LAMA3: variants seen among roughly 807,000 people sequenced by gnomAD.
LAMA3 encodes laminin subunit alpha 3, also known as laminin subunit alpha-3.
A neutral mutation model predicts 402.0 loss-of-function variants in LAMA3; 281 were observed. The observed-to-expected ratio is 0.70, with a 90% CI of 0.63 to 0.77. LAMA3 has a LOEUF of 0.77. LAMA3 is among the 30% of genes least tolerant of loss of function. The pLI, the probability that LAMA3 is intolerant of heterozygous loss-of-function variation, is 0.00. For missense variants in LAMA3, 3,840 were observed against 4,215.5 expected, an observed-to-expected ratio of 0.91 and a Z score of 2.47; for synonymous variants, 1,431 against 1,558.4, an observed-to-expected ratio of 0.92 and a Z score of 1.93.
Position 23,857,850 on chromosome 18 carries a change from G to A in LAMA3, c.4143G>A (p.Lys1381=). Residue 1381 remains lysine (K), a synonymous_variant, in exon 33 of 75, where the codon AAG becomes AAA. Coordinates refer to ENST00000313654, the MANE Select transcript of LAMA3 (RefSeq NM_198129.4). ...TCCTTTACTTTGTGTACAGATGCAA[G>A]CCCAGAATCACAGGGCGGCAGTGTG... ...CDRDSGQCRC[K]PRITGRQCDR... 1 of 1,614,246 alleles carries A rather than the reference G, an allele frequency of 6.2e-7. No homozygotes were observed. The highest frequency in any genetic ancestry group is 8.5e-7 in the Non-Finnish European group (1 of 1,180,044).
At chr18:23,950,986 A>C (rs1335743003) in intron 72 of LAMA3, among the ~76,000 whole-genome samples, 1 of 152,238 alleles carries the variant, frequency 6.6e-6, no homozygotes, top group African/African-American at 2.4e-5. Flanking sequence ...TCATAATAGC[A>C]GTGACATTGT....
chr18:23,925,694 TC>T (rs2081983633), intron 62 of LAMA3, among the ~76,000 whole-genome samples: 1 of 152,158 alleles, frequency 6.6e-6, no homozygotes, highest in African/African-American at 2.4e-5. Context: ...ATCACATTCC[TC>T]TAGCAAGTAT....
At chr18:23,761,654 GTAA>G (rs1003306914) in intron 7 of LAMA3, among the ~76,000 whole-genome samples, 81 of 152,306 alleles carry the variant, frequency 5.3e-4, no homozygotes, top group African/African-American at 1.8e-3. Context: ...AATAGTGGTA[GTAA>G]TAATATTCTC....
chr18:23,877,834 G>A (rs1042920370), intron 39 of LAMA3, among the ~76,000 whole-genome samples: 5 of 152,144 alleles, frequency 3.3e-5, no homozygotes, highest in Admixed American at 6.5e-5. Context: ...TACGTTGGCC[G>A]GGCACGGTGG....
chr18:23,771,815 T>G (rs2062205102), intron 8 of LAMA3, among the ~76,000 whole-genome samples: 1 of 152,132 alleles, frequency 6.6e-6, no homozygotes, highest in Non-Finnish European at 1.5e-5. Context: ...AAGTTGGGAA[T>G]TTTTCAAGAT....
At chr18:23,699,788 C>A (rs2060758056) in intron 1 of LAMA3, among the ~76,000 whole-genome samples, 1 of 152,158 alleles carries the variant, frequency 6.6e-6, no homozygotes, top group African/African-American at 2.4e-5. Flanking sequence ...TGAGTGACAG[C>A]TAGGAAAATA....
chr18:23,852,545 C>T (rs905722021), intron 32 of LAMA3, among the ~76,000 whole-genome samples: 1 of 152,172 alleles, frequency 6.6e-6, no homozygotes, highest in East Asian at 1.9e-4. Flanking sequence ...CTAATACCTA[C>T]TCCAGTTTGG....
chr18:23,876,289 A>C lies in LAMA3; in HGVS notation c.4999-5A>C, dbSNP rs1241808608. The C allele has an allele frequency of 1.9e-6, 3 of 1,599,348 alleles. No individual in the cohort carries two copies. The highest frequency in any genetic ancestry group is 2.6e-6 in the Non-Finnish European group (3 of 1,166,544). ...TATTGATTAAACACTTTGTTTGAAA[A>C]ATAGGGTTGTAGCCCTGGATACTAT... On this transcript the variant is annotated splice_polypyrimidine_tract_variant and splice_region_variant and intron_variant, in intron 38 of 74. Coordinates refer to ENST00000313654, the MANE Select transcript of LAMA3 (RefSeq NM_198129.4).
At chr18:23,810,324 C>T (rs975218807) in intron 12 of LAMA3, 42 bp from the exon 13 acceptor site, 11 of 1,613,298 alleles carry the variant, frequency 6.8e-6, no homozygotes, top group African/African-American at 6.7e-5. Context: ...CCCTCCCATA[C>T]CTGCAACCCC....
intron 1 of LAMA3, among the ~76,000 whole-genome samples, chr18:23,691,545 G>A (rs1050623137): frequency 3.9e-5 from 6 of 152,088 alleles, no homozygotes; most frequent in Non-Finnish European, 1.5e-5. Context: ...GAGAAATTTA[G>A]TTTAGCTCTT....
intron 62 of LAMA3, among the ~76,000 whole-genome samples, chr18:23,926,408 T>C (rs768213895): frequency 1.3e-5 from 2 of 152,224 alleles, no homozygotes; most frequent in Non-Finnish European, 2.9e-5. Flanking sequence ...AAACCATGTA[T>C]AAATAGGCAA....
rs1256954191 is a variant in LAMA3 at position 23,907,579 on chromosome 18, C to G, written c.6748C>G (p.Gln2250Glu). 12 of 1,613,766 alleles carry G rather than the reference C, an allele frequency of 7.4e-6. No homozygotes were observed. The Middle Eastern group carries it at 4.9e-4, about 66-fold the overall frequency. The change falls in exon 53 of 75, where the codon CAA becomes GAA. Residue 2250 changes from glutamine (Q) to glutamate (E), a missense_variant. By Grantham distance (29) the Gln-to-Glu change is conservative. Around this residue, in one of 3 missense-constraint regions of LAMA3, gnomAD observed 891 missense variants for 857.5 expected, o/e 1.04. Transcript: ENST00000313654. ...CAGTCCAGCTCTCAACAACCTACAG[C>G]AAACCCTGAATATTGTGACAGTTCA... is the stretch of plus-strand genomic sequence containing the variant. The part of the protein sequence containing the change: ...EVSPALNNLQ[Q>E]TLNIVTVQKE...
intron 55 of LAMA3, among the ~76,000 whole-genome samples, chr18:23,911,635 C>T (rs1021974098): frequency 2.0e-5 from 3 of 151,228 alleles, no homozygotes; most frequent in African/African-American, 7.3e-5. Flanking sequence ...GCTCAAGAAG[C>T]GCTATTTTAG....
At chr18:23,690,033 A>G in intron 1 of LAMA3, 56 bp downstream of exon 1, 7 of 1,289,010 alleles carry the variant, frequency 5.4e-6, no homozygotes, top group Admixed American at 3.0e-5. Flanking sequence ...CGCGCCGGCC[A>G]GACACCCGGA....
intron 1 of LAMA3, among the ~76,000 whole-genome samples, chr18:23,709,551 G>T (rs1278364000): frequency 1.3e-5 from 2 of 152,106 alleles, no homozygotes; most frequent in African/African-American, 4.8e-5. Context: ...GGTTGAGTCA[G>T]AAATAGCAGA....
At chr18:23,851,875 A>C (rs1013742267) in intron 32 of LAMA3, among the ~76,000 whole-genome samples, 1 of 152,292 alleles carries the variant, frequency 6.6e-6, no homozygotes, top group Non-Finnish European at 1.5e-5. Context: ...GATAATCGTT[A>C]ACTCCTGAAT....
intron 48 of LAMA3, among the ~76,000 whole-genome samples, chr18:23,902,737 A>G (rs950444425): frequency 4.6e-5 from 7 of 152,316 alleles, no homozygotes; most frequent in Middle Eastern, 6.8e-3. Context: ...TAATATACCC[A>G]TCTCATTGGG....
chr18:23,950,256 C>T, intron 72 of LAMA3, 97 bp downstream of exon 72: 1 of 1,391,520 alleles, frequency 7.2e-7, no homozygotes, highest in South Asian at 1.2e-5. Flanking sequence ...GAATGGGATC[C>T]AATCTTGTAT....
chr18:23,884,898 G>T (rs778088619), intron 41 of LAMA3, 45 bp downstream of exon 41: 1 of 1,495,166 alleles, frequency 6.7e-7, no homozygotes, highest in Non-Finnish European at 9.2e-7. Flanking sequence ...AGGGGGCGGG[G>T]AGGGCTGTGG....
Sources: allele counts gnomAD v4.1 joint callset (sites outside exome capture counted in the v4.1 genomes callset), GRCh38; gene constraint gnomAD v4.1.1; regional missense constraint gnomAD v4.1.1; transcripts MANE v1.5; gene names NCBI Gene and HGNC (gene_info 2026-07-23, HGNC 2026-07-21).